FRMD4A: variants seen among roughly 807,000 people sequenced by gnomAD.
FRMD4A encodes FERM domain containing 4A, also known as FERM domain-containing protein 4A.
Under a neutral mutation model 129.1 loss-of-function variants are expected in FRMD4A, and 29 were observed. The ratio of observed to expected loss-of-function variants is 0.22; its 90% CI spans 0.17 to 0.31. The LOEUF (loss-of-function observed/expected upper bound fraction) is 0.31. Among genes scored for constraint, FRMD4A ranks in the 10% least tolerant of loss-of-function variants. The pLI, the probability that FRMD4A is intolerant of heterozygous loss-of-function variation, is 1.00. For synonymous variants in FRMD4A, 634 were observed against 571.6 expected, an observed-to-expected ratio of 1.11 and a Z score of -1.56; for missense variants, 1,272 against 1,375.8, an observed-to-expected ratio of 0.92 and a Z score of 1.19.
At chr10:13,659,265 C>T in intron 21 of FRMD4A, 58 bp downstream of exon 21, 2 of 1,464,618 alleles carry the variant, frequency 1.4e-6, no homozygotes, top group South Asian at 2.3e-5. Context: ...TTGGGGCTGA[C>T]AATGCCCAAT....
chr10:14,165,544 C>A (rs184414722), intron 2 of FRMD4A, among the ~76,000 whole-genome samples: 3 of 152,232 alleles, frequency 2.0e-5, no homozygotes, highest in Admixed American at 1.3e-4. Context: ...ATCATTCTAC[C>A]GAAAAGACAC....
At chr10:13,891,533 T>G (rs1229894269) in intron 2 of FRMD4A, 2 of 894,822 alleles carry the variant, frequency 2.2e-6, no homozygotes, top group East Asian at 2.4e-4. Context: ...GGCGCGTCCC[T>G]TTTCCCCGGC....
intron 2 of FRMD4A, among the ~76,000 whole-genome samples, chr10:13,940,141 T>C (rs2095280059): frequency 1.3e-5 from 2 of 151,908 alleles, no homozygotes; most frequent in South Asian, 4.2e-4. Flanking sequence ...TTTCCCCAAG[T>C]ACTCATGGAG....
intron 15 of FRMD4A, chr10:13,692,759 T>C (rs2085831874): frequency 6.6e-6 from 1 of 152,302 alleles, no homozygotes; most frequent in African/African-American, 2.4e-5. Context: ...TTACAGCCAC[T>C]ATATATAGTA....
At chr10:14,148,829 C>T (rs1349544573) in intron 2 of FRMD4A, among the ~76,000 whole-genome samples, 1 of 151,954 alleles carries the variant, frequency 6.6e-6, no homozygotes, top group Non-Finnish European at 1.5e-5. Flanking sequence ...AGGACTTACA[C>T]ACCTAGAAAC....
chr10:13,826,203 A>G (rs964394590), intron 3 of FRMD4A, among the ~76,000 whole-genome samples: 2 of 152,332 alleles, frequency 1.3e-5, no homozygotes, highest in South Asian at 4.1e-4. Context: ...CTGAATCCCT[A>G]TTAAAATTAT....
At chr10:13,683,354 G>C (rs965053957) in intron 15 of FRMD4A, among the ~76,000 whole-genome samples, 1 of 152,010 alleles carries the variant, frequency 6.6e-6, no homozygotes, top group Non-Finnish European at 1.5e-5. Flanking sequence ...GGAGGCCCTG[G>C]CGGGAGGATT....
chr10:13,787,363 C>G (rs907274268), intron 5 of FRMD4A, among the ~76,000 whole-genome samples: 3 of 152,206 alleles, frequency 2.0e-5, no homozygotes, highest in Non-Finnish European at 4.4e-5. Context: ...TCCACCCGCA[C>G]GCCCAGAGAG....
chr10:14,208,430 C>G (rs1483580704), intron 2 of FRMD4A, among the ~76,000 whole-genome samples: 4 of 152,114 alleles, frequency 2.6e-5, no homozygotes, highest in Admixed American at 6.6e-5. Flanking sequence ...CTCATATGCT[C>G]TCATGTTATC....
chr10:14,184,280 T>A (rs1842005468), intron 2 of FRMD4A, among the ~76,000 whole-genome samples: 1 of 150,206 alleles, frequency 6.7e-6, no homozygotes, highest in Non-Finnish European at 1.5e-5. Context: ...TACAGGTGCA[T>A]ACCACCACAA....
intron 2 of FRMD4A, among the ~76,000 whole-genome samples, chr10:14,235,397 C>G (rs906203112): frequency 2.0e-5 from 3 of 151,910 alleles, no homozygotes; most frequent in African/African-American, 7.3e-5. Flanking sequence ...ATCCACCCAC[C>G]TCGGTCTCCC....
At chr10:14,104,730 C>T (rs758056751) in intron 2 of FRMD4A, among the ~76,000 whole-genome samples, 2 of 152,240 alleles carry the variant, frequency 1.3e-5, no homozygotes, top group African/African-American at 4.8e-5. Context: ...TGCCAACCTT[C>T]GGCCAGTGTG....
At chr10:13,750,109 G>GAAGAAAGA (rs137911059) in intron 8 of FRMD4A, among the ~76,000 whole-genome samples, 1,638 of 73,546 alleles carry the variant, frequency 0.022, 52 homozygotes, top group South Asian at 0.049. Context: ...AGAAAGAAAT[G>GAAGAAAGA]AAGAAAGAAA....
intron 2 of FRMD4A, among the ~76,000 whole-genome samples, chr10:14,173,171 T>G (rs1356939840): frequency 6.6e-6 from 1 of 152,234 alleles, no homozygotes; most frequent in Non-Finnish European, 1.5e-5. Flanking sequence ...TTGATTTGTT[T>G]TGAAATTTCT....
At chr10:13,848,056 C>G (rs2094079285) in intron 3 of FRMD4A, among the ~76,000 whole-genome samples, 2 of 151,594 alleles carry the variant, frequency 1.3e-5, no homozygotes, top group Admixed American at 6.6e-5. Flanking sequence ...TTGCATTTTG[C>G]AGAACTGCAT....
At chr10:13,756,624 C>G (rs961019734) in intron 8 of FRMD4A, among the ~76,000 whole-genome samples, 1 of 152,176 alleles carries the variant, frequency 6.6e-6, no homozygotes, top group Non-Finnish European at 1.5e-5. Context: ...CTCGGCCTCC[C>G]AAAGTGCTGG....
intron 3 of FRMD4A, among the ~76,000 whole-genome samples, chr10:13,848,097 T>C (rs1476814058): frequency 6.7e-6 from 1 of 148,154 alleles, no homozygotes; most frequent in Non-Finnish European, 1.5e-5. Context: ...ATCTCCCCAA[T>C]CCCTTCTTAT....
At chr10:14,193,895 C>G (rs867837590) in intron 2 of FRMD4A, among the ~76,000 whole-genome samples, 20 of 152,200 alleles carry the variant, frequency 1.3e-4, no homozygotes, top group South Asian at 6.2e-4. Context: ...CTGATCCATC[C>G]CAACCCATGT....
At chr10:13,679,474 TACACACACACACACAC>T (rs59818032) in intron 15 of FRMD4A, among the ~76,000 whole-genome samples, 2 of 31,490 alleles carry the variant, frequency 6.4e-5, no homozygotes, top group Admixed American at 5.3e-4. Context: ...TATATATATA[TACACACACACACACAC>T]ACACACACAC....
Sources: gnomAD v4.1 joint callset for allele counts (sites outside exome capture counted in the v4.1 genomes callset) on GRCh38, gnomAD v4.1.1 for gene constraint, MANE v1.5 for transcripts, NCBI Gene and HGNC (gene_info 2026-07-23, HGNC 2026-07-21) for gene names.